The following TENM4 variants were observed in gnomAD, a reference collection of about 807,000 sequenced individuals.
The protein encoded by TENM4 is teneurin-4.
A neutral mutation model predicts 243.3 loss-of-function variants in TENM4; 82 were observed. That is an observed-to-expected ratio of 0.34 (90% CI 0.28 to 0.40). The LOEUF is 0.40. Ranked by LOEUF, TENM4 falls within the 10% of genes least tolerant of loss-of-function variation. The pLI is 1.00. For missense variants in TENM4, 3,138 were observed against 3,673.3 expected (o/e 0.85, Z 3.77); for synonymous variants, 1,412 against 1,456.3 (o/e 0.97, Z 0.69).
chr11:78,722,553 C>G, intron 24 of TENM4, 115 bp downstream of exon 24: 1 of 1,397,340 alleles, frequency 7.2e-7, no homozygotes, highest in East Asian at 2.3e-5. Flanking sequence ...CAGAGCCTGA[C>G]GGGCAAGGCT....
intron 6 of TENM4, among the ~76,000 whole-genome samples, chr11:79,057,711 A>C (rs1033824293): frequency 6.6e-6 from 1 of 152,346 alleles, no homozygotes; most frequent in South Asian, 2.1e-4. Context: ...AGTGCCTGGT[A>C]CATAGTAGGT....
chr11:79,410,103 G>A (rs139590233), intron 1 of TENM4, among the ~76,000 whole-genome samples: 66 of 152,274 alleles, frequency 4.3e-4, no homozygotes, highest in South Asian at 1.5e-3. Context: ...GTGTTGGGCC[G>A]CATTCAAAAC....
intron 3 of TENM4, among the ~76,000 whole-genome samples, chr11:79,211,963 G>T (rs1259349065): frequency 6.6e-6 from 1 of 152,196 alleles, no homozygotes; most frequent in African/African-American, 2.4e-5. Flanking sequence ...TTCTGCCCAT[G>T]ACTGGGATCC....
At chr11:79,078,734 A>C (rs945345253) in intron 4 of TENM4, among the ~76,000 whole-genome samples, 3 of 152,184 alleles carry the variant, frequency 2.0e-5, no homozygotes, top group African/African-American at 4.8e-5. Flanking sequence ...ATGGTGGCTA[A>C]AAGCAAGGTC....
chr11:79,275,255 G>A (rs1293675453), intron 2 of TENM4, among the ~76,000 whole-genome samples: 8 of 111,872 alleles, frequency 7.2e-5, no homozygotes, highest in Admixed American at 5.6e-4. Flanking sequence ...GTGTGTGCGC[G>A]CGCATGCGGG....
At chr11:79,413,424 C>T (rs377474992) in intron 1 of TENM4, among the ~76,000 whole-genome samples, 6 of 152,318 alleles carry the variant, frequency 3.9e-5, no homozygotes, top group African/African-American at 7.2e-5. Context: ...TCCCTTTCCC[C>T]GCCTCCCTGG....
At chr11:79,408,737 G>T (rs1031996013) in intron 1 of TENM4, among the ~76,000 whole-genome samples, 30 of 152,136 alleles carry the variant, frequency 2.0e-4, no homozygotes, top group African/African-American at 7.2e-4. Flanking sequence ...TATGCATAAA[G>T]ATGTTAGAAA....
At chr11:79,357,424 A>G (rs1590906370) in intron 1 of TENM4, among the ~76,000 whole-genome samples, 1 of 152,316 alleles carries the variant, frequency 6.6e-6, no homozygotes, top group East Asian at 1.9e-4. Context: ...GACAATCCCT[A>G]TCCAGTTTTC....
intron 25 of TENM4, among the ~76,000 whole-genome samples, chr11:78,713,101 T>A (rs1004122943): frequency 6.6e-6 from 1 of 152,162 alleles, no homozygotes; most frequent in Non-Finnish European, 1.5e-5. Context: ...GAAGGATGGA[T>A]GCTCTTGACT....
At chr11:78,944,315 C>T (rs1029056999) in intron 6 of TENM4, among the ~76,000 whole-genome samples, 2 of 152,164 alleles carry the variant, frequency 1.3e-5, no homozygotes, top group African/African-American at 2.4e-5. Context: ...CCTACCCATC[C>T]CTAGTACGTT....
At chr11:78,807,926 T>C (rs1857424248) in intron 14 of TENM4, among the ~76,000 whole-genome samples, 1 of 152,212 alleles carries the variant, frequency 6.6e-6, no homozygotes. Flanking sequence ...GACTACTGAC[T>C]TCTCAGGTTG....
chr11:79,379,360 G>A (rs143483967), intron 1 of TENM4, among the ~76,000 whole-genome samples: 93 of 152,316 alleles, frequency 6.1e-4, no homozygotes, highest in African/African-American at 2.1e-3. Flanking sequence ...GCAGGGGAGT[G>A]AGGCTGTTAT....
chr11:79,308,148 G>A (rs1856658150), intron 1 of TENM4, among the ~76,000 whole-genome samples: 1 of 152,252 alleles, frequency 6.6e-6, no homozygotes, highest in Non-Finnish European at 1.5e-5. Context: ...TAATCCTCAA[G>A]GAGTCTGGAG....
chr11:78,676,407 C>T lies in TENM4; in HGVS notation c.5261-20G>A. The T allele has an allele frequency of 1.3e-6, 2 of 1,568,792 alleles. No individual in the cohort carries two copies. The highest frequency in any genetic ancestry group is 1.2e-5 in the South Asian group (1 of 86,502). ...CTTGGTCTGCAGGAGAGGACAAGCA[C>T]AGACTGCTCAGAAGGAACGAAGGTG... On this transcript the variant is annotated intron_variant, in intron 29 of 33. Transcript: ENST00000278550.
chr11:78,912,944 A>G (rs1002782125), intron 6 of TENM4, among the ~76,000 whole-genome samples: 1 of 152,240 alleles, frequency 6.6e-6, no homozygotes, highest in African/African-American at 2.4e-5. Context: ...TCAGCGGCTA[A>G]TTTGCTGTGT....
At chr11:78,658,944 C>A in intron 33 of TENM4, 128 bp from the exon 34 acceptor site, 1 of 1,077,286 alleles carries the variant, frequency 9.3e-7, no homozygotes, top group East Asian at 2.5e-5. Context: ...GTAGCTCTAC[C>A]GCTGACCACC....
chr11:79,185,285 G>A (rs1049856909), intron 3 of TENM4, among the ~76,000 whole-genome samples: 1 of 151,946 alleles, frequency 6.6e-6, no homozygotes, highest in Non-Finnish European at 1.5e-5. Flanking sequence ...GGGTGACAGA[G>A]CGAGTCCCTG....
At chr11:78,729,722 C>T in intron 21 of TENM4, 79 bp from the exon 22 acceptor site, 1 of 1,507,866 alleles carries the variant, frequency 6.6e-7, no homozygotes. Context: ...GCCCCATGGA[C>T]TCTGGGTGTT....
intron 32 of TENM4, among the ~76,000 whole-genome samples, chr11:78,663,083 C>A (rs4945308): frequency 0.024 from 3,597 of 152,262 alleles, 79 homozygotes; most frequent in Admixed American, 0.056. Context: ...AGAAGAGCTT[C>A]AGATGGCAGG....
Sources: allele counts gnomAD v4.1 joint callset (sites outside exome capture counted in the v4.1 genomes callset), GRCh38; gene constraint gnomAD v4.1.1; transcripts MANE v1.5; gene names NCBI Gene and HGNC (gene_info 2026-07-23, HGNC 2026-07-21).